Variants in TENM2 observed in about 807,000 individuals in gnomAD.
The protein encoded by TENM2 is teneurin transmembrane protein 2, also known as teneurin-2.
In TENM2, 52 loss-of-function variants were observed where a neutral mutation model predicts 245.2. That is an observed-to-expected ratio of 0.21 (90% CI 0.17 to 0.27). The LOEUF (loss-of-function observed/expected upper bound fraction) is 0.27, where lower values mean the gene tolerates loss of function less well. TENM2 is among the 10% of genes least tolerant of loss of function. TENM2 has a pLI of 1.00. For synonymous variants in TENM2, 1,363 were observed against 1,438.9 expected (o/e 0.95, Z 1.19); for missense variants, 3,046 against 3,666.8 (o/e 0.83, Z 4.37).
At chr5:167,014,079 A>T in the TENM2 span, among the ~76,000 whole-genome samples, 2 of 151,956 alleles carry the variant, frequency 1.3e-5, no homozygotes, top group South Asian at 4.1e-4. Flanking sequence ...AAAAGAAAGC[A>T]TTAGATTGTA....
intron 2 of TENM2, among the ~76,000 whole-genome samples, chr5:167,528,703 T>G (rs552226402): frequency 1.3e-5 from 2 of 152,274 alleles, no homozygotes; most frequent in South Asian, 4.1e-4. Context: ...AAGATATGAT[T>G]ATGTTGAAGT....
chr5:167,161,927 G>T, the TENM2 span, among the ~76,000 whole-genome samples: 1 of 152,124 alleles, frequency 6.6e-6, no homozygotes. Flanking sequence ...CCAGCACTTT[G>T]GGAGGCTGAG....
chr5:167,221,747 G>A, the TENM2 span, among the ~76,000 whole-genome samples: 2 of 152,168 alleles, frequency 1.3e-5, no homozygotes, highest in African/African-American at 2.4e-5. Context: ...AGTGAGGAGT[G>A]GGAGGTAGAA....
At chr5:167,257,568 ATT>A in the TENM2 span, among the ~76,000 whole-genome samples, 1 of 152,154 alleles carries the variant, frequency 6.6e-6, no homozygotes, top group East Asian at 1.9e-4. Flanking sequence ...TGGCAAGTTA[ATT>A]GAGGCGAAGC....
the TENM2 span, among the ~76,000 whole-genome samples, chr5:167,223,709 A>G: frequency 1.3e-5 from 2 of 152,136 alleles, no homozygotes; most frequent in Non-Finnish European, 1.5e-5. Flanking sequence ...AATATCCAGT[A>G]GTGGCATTGC....
chr5:167,228,660 C>G, the TENM2 span, among the ~76,000 whole-genome samples: 2 of 151,646 alleles, frequency 1.3e-5, no homozygotes, highest in Non-Finnish European at 2.9e-5. Flanking sequence ...TTTCCTGTGT[C>G]CTTACATTAA....
chr5:167,395,964 T>C (rs866409598), intron 2 of TENM2, among the ~76,000 whole-genome samples: 29 of 152,248 alleles, frequency 1.9e-4, no homozygotes, highest in Admixed American at 1.2e-3. Context: ...AAGAGATAAG[T>C]GTTGTCAAGG....
the TENM2 span, among the ~76,000 whole-genome samples, chr5:167,086,249 G>A: frequency 6.6e-6 from 1 of 152,108 alleles, no homozygotes; most frequent in East Asian, 1.9e-4. Flanking sequence ...TCTCCCTCTC[G>A]CTTTCTATGT....
intron 2 of TENM2, among the ~76,000 whole-genome samples, chr5:167,420,430 A>AC (rs1554148546): frequency 9.9e-5 from 15 of 151,882 alleles, no homozygotes; most frequent in Admixed American, 1.3e-4. Flanking sequence ...TGGGCTTTAC[A>AC]CCCTTCTCAG....
At chr5:167,157,392 A>C in the TENM2 span, among the ~76,000 whole-genome samples, 2 of 152,208 alleles carry the variant, frequency 1.3e-5, no homozygotes, top group African/African-American at 2.4e-5. Context: ...TACATTTTTT[A>C]GTAGCTTACA....
At chr5:167,046,216 C>T in the TENM2 span, among the ~76,000 whole-genome samples, 1 of 152,130 alleles carries the variant, frequency 6.6e-6, no homozygotes, top group Admixed American at 6.5e-5. Flanking sequence ...CACCTCTCCT[C>T]CTGCCCATAC....
intron 2 of TENM2, among the ~76,000 whole-genome samples, chr5:167,824,489 G>A (rs907930188): frequency 6.6e-6 from 1 of 152,152 alleles, no homozygotes. Flanking sequence ...AAGAGAACTG[G>A]CCTGGCAGAT....
intron 1 of TENM2, among the ~76,000 whole-genome samples, chr5:167,312,827 A>G (rs1158732270): frequency 1.3e-5 from 2 of 151,556 alleles, no homozygotes; most frequent in Non-Finnish European, 2.9e-5. Context: ...GGTTCAGCAC[A>G]TGCCCTTCCA....
At chr5:167,682,418 C>T (rs1756792658) in intron 2 of TENM2, among the ~76,000 whole-genome samples, 2 of 152,104 alleles carry the variant, frequency 1.3e-5, no homozygotes, top group African/African-American at 4.8e-5. Flanking sequence ...CCGCCTCAGC[C>T]TCCCAAACTG....
At chr5:167,897,890 G>GTTTTT (rs35680049) in intron 3 of TENM2, among the ~76,000 whole-genome samples, 5 of 89,294 alleles carry the variant, frequency 5.6e-5, no homozygotes, top group African/African-American at 1.0e-4. Flanking sequence ...GTAGTAAATT[G>GTTTTT]TTTTTTTTTT....
the TENM2 span, among the ~76,000 whole-genome samples, chr5:167,174,899 C>T: frequency 6.6e-6 from 1 of 150,508 alleles, no homozygotes; most frequent in Non-Finnish European, 1.5e-5. Context: ...TAAGATTCCA[C>T]ATATAAGTGA....
At chr5:167,376,363 C>T (rs1258930184) in intron 2 of TENM2, among the ~76,000 whole-genome samples, 4 of 152,036 alleles carry the variant, frequency 2.6e-5, no homozygotes, top group African/African-American at 9.7e-5. Context: ...TTACCATTAC[C>T]ATTAAAATGT....
At chr5:167,406,315 C>T (rs1176137888) in intron 2 of TENM2, among the ~76,000 whole-genome samples, 1 of 152,090 alleles carries the variant, frequency 6.6e-6, no homozygotes, top group Non-Finnish European at 1.5e-5. Context: ...ACATTAGGCA[C>T]CCTGTGGAAA....
At chr5:167,031,692 G>A in the TENM2 span, among the ~76,000 whole-genome samples, 11 of 152,102 alleles carry the variant, frequency 7.2e-5, no homozygotes, top group Non-Finnish European at 1.0e-4. Context: ...AGCCTCCCGA[G>A]TAGCTGGGAT....
Sources: allele counts gnomAD v4.1 joint callset (sites outside exome capture counted in the v4.1 genomes callset), GRCh38; gene constraint gnomAD v4.1.1; transcripts MANE v1.5; gene names NCBI Gene and HGNC (gene_info 2026-07-23, HGNC 2026-07-21).